The following PTP4A1 variants were observed in gnomAD, a reference collection of about 807,000 sequenced individuals.
The protein encoded by PTP4A1 is protein tyrosine phosphatase 4A1.
PTP4A1 carries 9 observed loss-of-function variants against 20.5 expected under a neutral mutation model. The observed-to-expected ratio is 0.44, with a 90% CI of 0.26 to 0.77. PTP4A1 has a LOEUF of 0.77. Among genes scored for constraint, PTP4A1 ranks in the 30% least tolerant of loss-of-function variants. The probability of loss-of-function intolerance (pLI) is 0.19; values close to 1 mark genes in which losing one functional copy is unlikely to be tolerated. For synonymous variants in PTP4A1, 78 were observed against 67.4 expected, an observed-to-expected ratio of 1.16 and a Z score of -0.77; for missense variants, 137 against 218.8, an observed-to-expected ratio of 0.63 and a Z score of 2.36.
intron 1 of PTP4A1, among the ~76,000 whole-genome samples, chr6:63,575,126 C>G (rs1326287617): frequency 6.6e-6 from 1 of 152,152 alleles, no homozygotes; most frequent in East Asian, 1.9e-4. Flanking sequence ...GAAACTATAA[C>G]TAGCATGGGA....
chr6:63,541,939 T>A (rs941322697), intron 2 of PTP4A1, among the ~76,000 whole-genome samples: 2 of 152,050 alleles, frequency 1.3e-5, no homozygotes, highest in African/African-American at 4.8e-5. Flanking sequence ...CATTTTAAAA[T>A]ATACTGGTAA....
At chr6:63,549,319 G>T in intron 2 of PTP4A1, 2 of 753,316 alleles carry the variant, frequency 2.7e-6, no homozygotes, top group East Asian at 2.5e-5. Flanking sequence ...CTCTGCCGCT[G>T]CAACCTGATA....
At position 63,578,522 on chromosome 6, in the gene PTP4A1, A is replaced by G. The variant is rs1369874457; in HGVS notation, c.191A>G (p.His64Arg). 3.1e-6 allele frequency: 5 copies of G among 1,611,248 alleles called. No individual in the cohort carries two copies. The East Asian group carries it at 9.0e-5, about 29-fold the overall frequency. Reference sequence around the variant, plus strand: ...ACTCTTGTGGAGAAAGAAGGTATCCATGTTCTTGTAAGTATTTAACAGTTC... The same window carrying G: ...ACTCTTGTGGAGAAAGAAGGTATCCGTGTTCTTGTAAGTATTTAACAGTTC... The part of the protein sequence containing the change: ...DTTLVEKEGI[H>R]VLDWPFDDGA... Residue 64 changes from histidine to arginine, a missense_variant, in exon 3 of 6, where the codon CAT becomes CGT. Transcript: ENST00000626021.
At chr6:63,567,886 C>G (rs1436854831), upstream of PTP4A1, among the ~76,000 whole-genome samples, 1 of 152,232 alleles carries the variant, frequency 6.6e-6, no homozygotes, top group Non-Finnish European at 1.5e-5. Context: ...ACTGCTTCAC[C>G]TTTCATTTTT....
rs1482263215 is a variant in PTP4A1 at position 63,581,079 on chromosome 6, T to C, written c.*905T>C. 4 of 152,166 alleles carry C rather than the reference T, an allele frequency of 2.6e-5. No individual in the cohort carries two copies. The highest frequency in any genetic ancestry group is 4.4e-5 in the Non-Finnish European group (3 of 68,000). 9.4% of individuals were successfully genotyped at this position (152,166 alleles called of 1,614,324 possible). ...GTAATCATAAACTTCCTGAAATTCT[T>C]GTAATTTTTTTCCCATACTTATCAG... On this transcript the variant is annotated 3_prime_UTR_variant, in exon 6 of 6. Coordinates refer to ENST00000626021, the MANE Select transcript of PTP4A1 (RefSeq NM_003463.5).
At position 63,524,875 on chromosome 6, in the gene PTP4A1, A is replaced by G. The variant is rs55996723; in HGVS notation, c.-905-2944A>G. 4.7e-3 allele frequency among the ~76,000 whole-genome samples: 710 copies of G among 152,354 alleles called. 1 individual carries two copies. The highest frequency in any genetic ancestry group is 0.017 in the Middle Eastern group (5 of 294). On this transcript the variant is annotated intron_variant, in intron 1 of 3. Coordinates refer to the PTP4A1 transcript ENST00000639568. ...TGCGAGATGTGGCATACCACAATGG[A>G]CAAATTTTTAAATTGCAGTTTTTGA...
intron 2 of PTP4A1, among the ~76,000 whole-genome samples, chr6:63,547,808 G>A (rs1776266752): frequency 6.6e-6 from 1 of 151,862 alleles, no homozygotes; most frequent in African/African-American, 2.4e-5. Flanking sequence ...ACTGCGCCCG[G>A]CCCAGGGGGG....
At chr6:63,534,450 GAA>G (rs917837509) in intron 2 of PTP4A1, among the ~76,000 whole-genome samples, 1 of 115,382 alleles carries the variant, frequency 8.7e-6, no homozygotes, top group African/African-American at 3.9e-5. Context: ...CACACACAGA[GAA>G]ACACACACAC....
Position 63,580,610 on chromosome 6 carries a change from T to G in PTP4A1, c.*436T>G, listed in dbSNP as rs1296404612. The G allele has an allele frequency of 6.5e-6, 1 of 154,660 alleles. No individual in the cohort carries two copies. The highest frequency in any genetic ancestry group is 1.4e-5 in the Non-Finnish European group (1 of 69,348). The allele number at this position is 154,660 out of a possible 1,614,324, so 9.6% of individuals were successfully genotyped here. On this transcript the variant is annotated 3_prime_UTR_variant, in exon 6 of 6. Coordinates refer to ENST00000626021, the MANE Select transcript of PTP4A1 (RefSeq NM_003463.5). ...CTATGAACACTAGACCTTATGTGGTTTATTCCTTCAATCATTTCAAACATT... is the reference window on the plus strand; with the variant it reads ...CTATGAACACTAGACCTTATGTGGTGTATTCCTTCAATCATTTCAAACATT...
intron 3 of PTP4A1, among the ~76,000 whole-genome samples, chr6:63,560,353 A>AG: frequency 6.6e-6 from 1 of 151,222 alleles, no homozygotes; most frequent in African/African-American, 2.4e-5. Context: ...AAAAAAAAAA[A>AG]AAAAGAAAGA....
Position 63,534,299 on chromosome 6 carries a change from T to A in PTP4A1, c.-640+6215T>A, listed in dbSNP as rs145001622. Reference sequence around the variant, plus strand: ...GAAAGCAATATGTTTTTCTACTACATCTGATGCCATGCAATCTCTCTGGGA... The same window carrying A: ...GAAAGCAATATGTTTTTCTACTACAACTGATGCCATGCAATCTCTCTGGGA... On this transcript the variant is annotated intron_variant, in intron 2 of 3. Transcript: ENST00000639568. Among the ~76,000 whole-genome samples, 857 of 152,282 alleles carry A rather than the reference T, an allele frequency of 5.6e-3. 9 individuals carry two copies. The highest frequency in any genetic ancestry group is 0.019 in the African/African-American group (806 of 41,550).
chr6:63,532,887 C>T (rs987391052), intron 2 of PTP4A1, among the ~76,000 whole-genome samples: 4 of 152,088 alleles, frequency 2.6e-5, no homozygotes, highest in African/African-American at 9.7e-5. Context: ...ATTATATCTG[C>T]TTTTTAGCTA....
At chr6:63,556,143 G>A (rs570280491) in intron 3 of PTP4A1, among the ~76,000 whole-genome samples, 37 of 152,198 alleles carry the variant, frequency 2.4e-4, no homozygotes, top group Non-Finnish European at 4.3e-4. Flanking sequence ...CAAGAAAACA[G>A]TTTATTTTCT....
chr6:63,563,422 ATC>A (rs953556064), intron 3 of PTP4A1, among the ~76,000 whole-genome samples: 1 of 152,046 alleles, frequency 6.6e-6, no homozygotes, highest in African/African-American at 2.4e-5. Context: ...CACCAAAAAT[ATC>A]TCTCTTCCTC....
At chr6:63,549,812 G>A (rs1776356560) in intron 2 of PTP4A1, among the ~76,000 whole-genome samples, 1 of 152,110 alleles carries the variant, frequency 6.6e-6, no homozygotes, top group African/African-American at 2.4e-5. Flanking sequence ...GCTTGGAAGG[G>A]TAGAGGGAAG....
intron 3 of PTP4A1, among the ~76,000 whole-genome samples, chr6:63,566,980 G>A (rs954626155): frequency 2.0e-5 from 3 of 152,172 alleles, no homozygotes; most frequent in African/African-American, 7.2e-5. Context: ...TCCTTCATAA[G>A]AAGCAACTCC....
At chr6:63,578,567 T>A in intron 3 of PTP4A1, 38 bp downstream of exon 3, 1 of 1,583,430 alleles carries the variant, frequency 6.3e-7, no homozygotes, top group Non-Finnish European at 8.5e-7. Flanking sequence ...TATGGTGCTG[T>A]GCTACAAAAG....
chr6:63,576,673 T>C lies in PTP4A1; in HGVS notation c.-208T>C, dbSNP rs1407142957. 1.5e-5 allele frequency: 9 copies of C among 580,884 alleles called. No homozygotes were observed. Among genetic ancestry groups the C allele is most frequent in the Non-Finnish European group, 2.7e-5 (9 of 331,420 alleles). The allele number at this position is 580,884 out of a possible 1,614,324, so 36.0% of individuals were successfully genotyped here. On this transcript the variant is annotated 5_prime_UTR_variant, in exon 2 of 6. Transcript: ENST00000626021. ...GGTAAACCTCAGTGCACTTCTTTTC[T>C]GTTGGCCTCAGTATTACTGGATTGA...
At chr6:63,557,435 G>A (rs1426570831) in intron 3 of PTP4A1, among the ~76,000 whole-genome samples, 4 of 151,868 alleles carry the variant, frequency 2.6e-5, no homozygotes, top group African/African-American at 7.3e-5. Context: ...TGTAGTGTGC[G>A]TGCCTGTAAT....
Sources: allele counts gnomAD v4.1 joint callset (sites outside exome capture counted in the v4.1 genomes callset), GRCh38; gene constraint gnomAD v4.1.1; transcripts MANE v1.5; gene names NCBI Gene and HGNC (gene_info 2026-07-23, HGNC 2026-07-21).